Variants in CDH4 observed in about 807,000 individuals in gnomAD.
CDH4 encodes the protein cadherin-4.
CDH4 carries 33 observed loss-of-function variants against 86.0 expected under a neutral mutation model. The observed-to-expected ratio is 0.38, with a 90% confidence interval of 0.29 to 0.51. The LOEUF (loss-of-function observed/expected upper bound fraction) is 0.51. Among genes scored for constraint, CDH4 ranks in the 20% least tolerant of loss-of-function variants. The probability of loss-of-function intolerance (pLI) is 0.86; values close to 1 mark genes in which losing one functional copy is unlikely to be tolerated. For missense variants in CDH4, 1,114 were observed against 1,307.4 expected, an observed-to-expected ratio of 0.85 and a Z score of 2.28; for synonymous variants, 555 against 549.4, an observed-to-expected ratio of 1.01 and a Z score of -0.14.
At chr20:61,783,901 ACAGTTCTCAAGGCCCTCC>A in intron 4 of CDH4, among the ~76,000 whole-genome samples, 3 of 19,200 alleles carry the variant, frequency 1.6e-4, no homozygotes, top group African/African-American at 3.9e-4. Context: ...GTTCCTTGGG[ACAGTTCTCAAGGCCCTCC>A]GATATCCTGT....
At chr20:61,549,497 G>C (rs1157909302) in intron 2 of CDH4, among the ~76,000 whole-genome samples, 1 of 152,236 alleles carries the variant, frequency 6.6e-6, no homozygotes, top group Admixed American at 6.5e-5. Flanking sequence ...GGTTTAGGGG[G>C]CAGGATGCTA....
chr20:61,695,000 G>A (rs1024940033), intron 2 of CDH4, among the ~76,000 whole-genome samples: 3 of 152,238 alleles, frequency 2.0e-5, no homozygotes, highest in Admixed American at 6.5e-5. Flanking sequence ...ATGGCATGAA[G>A]TAGGGAGTGA....
At chr20:61,781,839 A>G (rs1307530375) in intron 4 of CDH4, among the ~76,000 whole-genome samples, 1 of 152,250 alleles carries the variant, frequency 6.6e-6, no homozygotes, top group Non-Finnish European at 1.5e-5. Context: ...AAATGCAAAA[A>G]TAAAGAAAAC....
rs546078651 is a variant in CDH4 at position 61,826,619 on chromosome 20, C to T, written c.577-18049C>T. Among the ~76,000 whole-genome samples the T allele has an allele frequency of 3.3e-5, 5 of 152,240 alleles. No homozygotes were observed. In the South Asian group the frequency reaches 1.0e-3, roughly 32 times the overall value. ...GATTTTATGTAAGCTGGTCAGTATT[C>T]CAGAGAAGGAAACATTTTCAGCAAA... On this transcript the variant is annotated intron_variant, in intron 4 of 15. Coordinates refer to ENST00000614565, the MANE Select transcript of CDH4 (RefSeq NM_001794.5).
intron 2 of CDH4, among the ~76,000 whole-genome samples, chr20:61,630,735 T>C (rs890284018): frequency 6.6e-6 from 1 of 152,260 alleles, no homozygotes; most frequent in African/African-American, 2.4e-5. Flanking sequence ...TTCTTGGTCA[T>C]GTTCAGATCC....
intron 2 of CDH4, among the ~76,000 whole-genome samples, chr20:61,550,085 G>A (rs2086117126): frequency 6.6e-6 from 1 of 151,148 alleles, no homozygotes; most frequent in Non-Finnish European, 1.5e-5. Context: ...TGCTTCCCTG[G>A]CCTCCCTGCC....
At chr20:61,556,940 A>G (rs2086182586) in intron 2 of CDH4, among the ~76,000 whole-genome samples, 1 of 152,022 alleles carries the variant, frequency 6.6e-6, no homozygotes, top group South Asian at 2.1e-4. Context: ...TTGGGGCCTG[A>G]TGAATAGAAA....
intron 2 of CDH4, among the ~76,000 whole-genome samples, chr20:61,347,200 T>C (rs1286027954): frequency 2.6e-5 from 4 of 152,236 alleles, no homozygotes; most frequent in African/African-American, 9.6e-5. Flanking sequence ...GTGCCCCACA[T>C]GGCCGTGAGG....
At chr20:61,542,909 T>C (rs931097606) in intron 2 of CDH4, among the ~76,000 whole-genome samples, 28 of 152,238 alleles carry the variant, frequency 1.8e-4, no homozygotes, top group African/African-American at 6.5e-4. Context: ...ATCTCAAAAG[T>C]AGGGAAGCCG....
At chr20:61,567,789 C>G (rs1219904905) in intron 2 of CDH4, among the ~76,000 whole-genome samples, 1 of 152,080 alleles carries the variant, frequency 6.6e-6, no homozygotes, top group African/African-American at 2.4e-5. Flanking sequence ...CGAGACCAGC[C>G]TGGGCAACAC....
In CDH4 at chr20:61,708,252, G is replaced by C. The variant is rs1398599666; in HGVS notation, c.170-35311G>C. 6.6e-6 allele frequency among the ~76,000 whole-genome samples: 1 copy of C among 152,126 alleles called. No homozygotes were observed. Among genetic ancestry groups the C allele is most frequent in the Non-Finnish European group, 1.5e-5 (1 of 68,002 alleles). On this transcript the variant is annotated intron_variant, in intron 2 of 15. Transcript: ENST00000614565. The surrounding 1 kb of genome is among the most constrained non-coding windows in gnomAD (Gnocchi z 4.5). ...GGGCTGAGTGTAGCGTGGCCAGCAG[G>C]GGGTTGACTTTTACCCCGAACCAGA...
chr20:61,487,848 G>A (rs1171401643), intron 2 of CDH4, among the ~76,000 whole-genome samples: 1 of 152,332 alleles, frequency 6.6e-6, no homozygotes, highest in African/African-American at 2.4e-5. Flanking sequence ...TCAAAGTCTT[G>A]TCCGTGGAAA....
At position 61,939,199 on chromosome 20, in the gene CDH4, G is replaced by A. The variant is rs1050750904; in HGVS notation, c.*2256G>A. On this transcript the variant is annotated 3_prime_UTR_variant, in exon 16 of 16. Coordinates refer to ENST00000614565, the MANE Select transcript of CDH4 (RefSeq NM_001794.5). The stretch of plus-strand genomic sequence containing the variant: ...AGTGTGACTATGGCCCGGGAGCCAG[G>A]GCAGCATGAACTCCTTTCTCTGAAA... The A allele has an allele frequency of 2.0e-5, 3 of 152,266 alleles. No homozygotes were observed. The highest frequency in any genetic ancestry group is 7.2e-5 in the African/African-American group (3 of 41,436). The allele number at this position is 152,266 out of a possible 1,614,324, so 9.4% of individuals were successfully genotyped here. A position where few individuals can be genotyped will look rare whatever the true frequency, so the allele number is the denominator to read the frequency against.
intron 2 of CDH4, among the ~76,000 whole-genome samples, chr20:61,674,320 G>A (rs1450916166): frequency 6.6e-6 from 1 of 152,200 alleles, no homozygotes; most frequent in Non-Finnish European, 1.5e-5. Flanking sequence ...GTCACAGCAT[G>A]TTGTGTCGTG....
At chr20:61,293,878 A>G (rs924501193) in intron 2 of CDH4, among the ~76,000 whole-genome samples, 11 of 151,750 alleles carry the variant, frequency 7.2e-5, no homozygotes, top group African/African-American at 2.7e-4. Context: ...TTTTTTGAGA[A>G]CTGTTCGGCA....
chr20:61,552,350 A>G (rs1245964323), intron 2 of CDH4, among the ~76,000 whole-genome samples: 14 of 152,278 alleles, frequency 9.2e-5, no homozygotes, highest in Non-Finnish European at 8.8e-5. Context: ...CGAATGTCCA[A>G]TAAACACATA....
In CDH4 at chr20:61,544,038, A is replaced by AC. The variant is rs1045959495; in HGVS notation, c.170-199520dup. Among the ~76,000 whole-genome samples, 1 of 150,978 alleles carries AC rather than the reference A, an allele frequency of 6.6e-6. No homozygotes were observed. Among genetic ancestry groups the AC allele is most frequent in the African/African-American group, 2.4e-5 (1 of 40,988 alleles). ...CTGAGGTCCCTGGAGGCTGCCCCAC[A>AC]CCCCCGGCCCCACACCTGGCTCTTG... On this transcript the variant is annotated intron_variant, in intron 2 of 15. Coordinates refer to ENST00000614565, the MANE Select transcript of CDH4 (RefSeq NM_001794.5). This position sits in a 1 kb window ranked among gnomAD's most constrained non-coding sequence, Gnocchi z 6.5.
intron 2 of CDH4, among the ~76,000 whole-genome samples, chr20:61,720,080 G>A (rs1446464803): frequency 2.0e-5 from 3 of 152,108 alleles, no homozygotes; most frequent in Non-Finnish European, 2.9e-5. Context: ...GGCAGTCGGC[G>A]GTGGGGGTTG....
chr20:61,924,230 TGGCCCA>T (rs1454567416), intron 10 of CDH4, 98 bp from the exon 11 acceptor site: 3 of 1,180,468 alleles, frequency 2.5e-6, no homozygotes, highest in Non-Finnish European at 3.6e-6. Flanking sequence ...ACAGAGACAC[TGGCCCA>T]GGCCCAGGCC....
Sources: allele counts gnomAD v4.1 joint callset (sites outside exome capture counted in the v4.1 genomes callset), GRCh38; gene constraint gnomAD v4.1.1; non-coding constraint Gnocchi (gnomAD v3.1); transcripts MANE v1.5; gene names NCBI Gene and HGNC (gene_info 2026-07-23, HGNC 2026-07-21).